The following WDFY1 variants were observed in gnomAD, a reference collection of about 807,000 sequenced individuals.
WDFY1 encodes WD repeat and FYVE domain containing 1.
In WDFY1, 32 loss-of-function variants were observed where a neutral mutation model predicts 56.4. The observed-to-expected ratio is 0.57, with a 90% CI of 0.43 to 0.76. WDFY1 has a LOEUF of 0.76. WDFY1 is among the 30% of genes least tolerant of loss of function. The probability of loss-of-function intolerance (pLI) is 0.00; values close to 1 mark genes in which losing one functional copy is unlikely to be tolerated. For synonymous variants in WDFY1, 192 were observed against 197.3 expected, an observed-to-expected ratio of 0.97 and a Z score of 0.23; for missense variants, 480 against 545.7, an observed-to-expected ratio of 0.88 and a Z score of 1.20.
intron 4 of WDFY1, among the ~76,000 whole-genome samples, chr2:223,901,834 T>C (rs1693512056): frequency 6.6e-6 from 1 of 152,216 alleles, no homozygotes; most frequent in Non-Finnish European, 1.5e-5. Context: ...GTGTTATGTG[T>C]TTGGTTTCTG....
At chr2:223,906,661 A>G (rs1364394780) in intron 3 of WDFY1, among the ~76,000 whole-genome samples, 2 of 151,908 alleles carry the variant, frequency 1.3e-5, no homozygotes, top group Non-Finnish European at 2.9e-5. Flanking sequence ...CTGGGATTAC[A>G]GAAGTGCACC....
At chr2:223,906,837 G>A (rs992100544) in intron 3 of WDFY1, among the ~76,000 whole-genome samples, 4 of 151,358 alleles carry the variant, frequency 2.6e-5, no homozygotes, top group African/African-American at 7.3e-5. Flanking sequence ...TTCTATAGAT[G>A]TAATACTTTA....
At chr2:223,911,444 T>C (rs1400313545) in intron 3 of WDFY1, among the ~76,000 whole-genome samples, 1 of 152,160 alleles carries the variant, frequency 6.6e-6, no homozygotes, top group East Asian at 1.9e-4. Context: ...AATGTATGCA[T>C]ACAATTTGAC....
intron 1 of WDFY1, among the ~76,000 whole-genome samples, chr2:223,919,453 C>T (rs962268666): frequency 3.3e-5 from 5 of 152,210 alleles, no homozygotes; most frequent in Non-Finnish European, 5.9e-5. Flanking sequence ...TCAAGTGATC[C>T]GCCTGCCTTG....
intron 2 of WDFY1, 125 bp downstream of exon 2, chr2:223,917,818 C>A: frequency 9.7e-7 from 1 of 1,030,990 alleles, no homozygotes; most frequent in Non-Finnish European, 1.4e-6. Context: ...GTGATCTACC[C>A]GCCTTGGCCT....
intron 1 of WDFY1, among the ~76,000 whole-genome samples, chr2:223,939,525 C>T (rs1351948753): frequency 6.6e-6 from 1 of 152,214 alleles, no homozygotes; most frequent in Non-Finnish European, 1.5e-5. Context: ...ATTCAATGGA[C>T]TCACAGTTCC....
intron 11 of WDFY1, among the ~76,000 whole-genome samples, chr2:223,879,533 C>T: frequency 6.6e-6 from 1 of 151,802 alleles, no homozygotes; most frequent in East Asian, 1.9e-4. Context: ...GTGGCAGGCA[C>T]TTGTAGTTCT....
At chr2:223,941,900 T>G (rs1333563256) in intron 1 of WDFY1, among the ~76,000 whole-genome samples, 1 of 152,188 alleles carries the variant, frequency 6.6e-6, no homozygotes, top group Non-Finnish European at 1.5e-5. Context: ...GTGCTTTCAT[T>G]ACATCTCATG....
chr2:223,944,937 CGG>C (rs1298316688), intron 1 of WDFY1, among the ~76,000 whole-genome samples: 2 of 151,714 alleles, frequency 1.3e-5, no homozygotes, highest in Non-Finnish European at 2.9e-5. Context: ...GCGGCGAGAC[CGG>C]GGTCCCAGGC....
At chr2:223,885,639 G>C (rs1222693466) in intron 8 of WDFY1, among the ~76,000 whole-genome samples, 1 of 152,150 alleles carries the variant, frequency 6.6e-6, no homozygotes, top group Non-Finnish European at 1.5e-5. Flanking sequence ...TTATGCCAAA[G>C]ATGTTTGAAC....
At chr2:223,887,272 C>T (rs1693188351) in intron 8 of WDFY1, among the ~76,000 whole-genome samples, 1 of 152,038 alleles carries the variant, frequency 6.6e-6, no homozygotes, top group African/African-American at 2.4e-5. Context: ...ATTTAATTGC[C>T]GGAAGAAGGA....
chr2:223,900,436 G>T (rs149276813), intron 5 of WDFY1, among the ~76,000 whole-genome samples: 2 of 152,164 alleles, frequency 1.3e-5, no homozygotes, highest in Non-Finnish European at 2.9e-5. Context: ...AAACTACTGC[G>T]GGGTGTCTGC....
chr2:223,886,585 G>A (rs531168489), intron 8 of WDFY1, among the ~76,000 whole-genome samples: 3 of 151,864 alleles, frequency 2.0e-5, no homozygotes, highest in Admixed American at 6.6e-5. Context: ...TTAGCCAGGC[G>A]TGGTGGCACA....
At chr2:223,887,719 C>T (rs1693195596) in intron 8 of WDFY1, among the ~76,000 whole-genome samples, 1 of 152,116 alleles carries the variant, frequency 6.6e-6, no homozygotes, top group Non-Finnish European at 1.5e-5. Context: ...ATCTCGCTCT[C>T]AACCAAAACA....
chr2:223,880,606 CAA>C (rs10586635), intron 10 of WDFY1, among the ~76,000 whole-genome samples: 57,699 of 125,332 alleles, frequency 0.46, 12,147 homozygotes, highest in Middle Eastern at 0.54. Context: ...GACTCAGTCT[CAA>C]AAAAAAAAAA....
In WDFY1 at chr2:223,920,770, CCCT is replaced by C. The variant is rs538890233; in HGVS notation, c.138-2763_138-2761del. Among the ~76,000 whole-genome samples the C allele has an allele frequency of 1.2e-4, 18 of 152,282 alleles. No individual in the cohort carries two copies. In the East Asian group the frequency reaches 3.5e-3, roughly 29 times the overall value. On this transcript the variant is annotated intron_variant, in intron 1 of 11. Transcript: ENST00000233055. ...TTGGCCCTTGCCTCAGTGGATGCAT[CCCT>C]CCTCAAGGGAAAAAGATGGGCAAGG...
rs951065889 is a variant in WDFY1 at position 223,928,281 on chromosome 2, A to C, written c.138-10271T>G. Among the ~76,000 whole-genome samples, 4 of 152,336 alleles carry C rather than the reference A, an allele frequency of 2.6e-5. No homozygotes were observed. In the South Asian group the frequency reaches 6.2e-4, roughly 24 times the overall value. On this transcript the variant is annotated intron_variant, in intron 1 of 11. Coordinates refer to ENST00000233055, the MANE Select transcript of WDFY1 (RefSeq NM_020830.5). ...TGTGTACAAAATGCAGTATCTGAGA[A>C]GCACAATAAAACAAGGTATGCTTGT...
At chr2:223,880,499 C>T (rs1316604378) in intron 10 of WDFY1, among the ~76,000 whole-genome samples, 4 of 151,194 alleles carry the variant, frequency 2.6e-5, no homozygotes, top group East Asian at 2.0e-4. Context: ...CCCAGCTACT[C>T]GGGAGGCTGA....
intron 1 of WDFY1, among the ~76,000 whole-genome samples, chr2:223,925,534 T>C (rs889593879): frequency 1.3e-5 from 2 of 152,220 alleles, no homozygotes; most frequent in Non-Finnish European, 2.9e-5. Flanking sequence ...AGGATGGTTG[T>C]TGATGAAGGT....
Sources: allele counts gnomAD v4.1 joint callset (sites outside exome capture counted in the v4.1 genomes callset), GRCh38; gene constraint gnomAD v4.1.1; transcripts MANE v1.5; gene names NCBI Gene and HGNC (gene_info 2026-07-23, HGNC 2026-07-21).